HPS3: variants seen among roughly 807,000 people sequenced by gnomAD.
The protein encoded by HPS3 is HPS3 biogenesis of lysosomal organelles complex 2 subunit 1.
In HPS3, 79 loss-of-function variants were observed where a neutral mutation model predicts 110.9. The observed-to-expected ratio is 0.71, with a 90% CI of 0.59 to 0.86. The LOEUF (loss-of-function observed/expected upper bound fraction) is 0.86. Ranked by LOEUF, HPS3 falls within the 40% of genes least tolerant of loss-of-function variation. HPS3 has a pLI of 0.00. For missense variants in HPS3, 1,197 were observed against 1,206.2 expected (o/e 0.99, Z 0.11); for synonymous variants, 428 against 451.0 (o/e 0.95, Z 0.65).
At chr3:149,163,743 G>C in intron 13 of HPS3, 99 bp from the exon 14 acceptor site, 1 of 717,030 alleles carries the variant, frequency 1.4e-6, no homozygotes, top group East Asian at 2.6e-5. Context: ...CTAATTCTAT[G>C]ACATGGCAGA....
chr3:149,151,835 T>A (rs1559916147), intron 6 of HPS3, among the ~76,000 whole-genome samples: 2 of 152,174 alleles, frequency 1.3e-5, no homozygotes, highest in Non-Finnish European at 2.9e-5. Flanking sequence ...AAAAATTGGT[T>A]TATATCTGTC....
At chr3:149,158,182 A>T (rs1479484808) in intron 9 of HPS3, among the ~76,000 whole-genome samples, 1 of 152,132 alleles carries the variant, frequency 6.6e-6, no homozygotes, top group African/African-American at 2.4e-5. Context: ...ATGTTTACAA[A>T]TTTTTTTGCA....
At chr3:149,157,217 C>A in intron 8 of HPS3, 133 bp from the exon 9 acceptor site, 1 of 813,148 alleles carries the variant, frequency 1.2e-6, no homozygotes, top group Non-Finnish European at 2.0e-6. Flanking sequence ...GGTGAATAAC[C>A]ATTTTGTTTA....
intron 1 of HPS3, among the ~76,000 whole-genome samples, chr3:149,131,156 A>G (rs1313235407): frequency 6.6e-6 from 1 of 152,044 alleles, no homozygotes. Flanking sequence ...AGTTGAATAA[A>G]TAGATCAGTG....
Position 149,158,711 on chromosome 3 carries a change from G to T in HPS3, c.1737G>T (p.Met579Ile). Residue 579 changes from methionine to isoleucine, a missense_variant, in exon 10 of 17, where the codon ATG becomes ATT. Physicochemically the swap from Met to Ile is conservative, Grantham distance 10. Coordinates refer to ENST00000296051, the MANE Select transcript of HPS3 (RefSeq NM_032383.5). ...HSHLTLPYYK[M>I]SGLSMAEVLA... ...ATCTCACCTTGCCATACTATAAGAT[G>T]TCTGGTTTGTCTATGGCTGAAGTTC... is the stretch of plus-strand genomic sequence containing the variant. 6.2e-7 allele frequency: 1 copy of T among 1,613,778 alleles called. No individual in the cohort carries two copies. Among genetic ancestry groups the T allele is most frequent in the African/African-American group, 1.3e-5 (1 of 74,992 alleles).
chr3:149,171,327 A>T (rs2108196499), intron 16 of HPS3, among the ~76,000 whole-genome samples: 1 of 152,222 alleles, frequency 6.6e-6, no homozygotes, highest in East Asian at 1.9e-4. Flanking sequence ...TTTGGGGGAA[A>T]AGGAAGTAAA....
At chr3:149,132,219 A>G (rs1323749470) in intron 1 of HPS3, among the ~76,000 whole-genome samples, 1 of 152,226 alleles carries the variant, frequency 6.6e-6, no homozygotes, top group Non-Finnish European at 1.5e-5. Context: ...AGTGTAGACA[A>G]AACAGTCTTA....
chr3:149,167,537 G>A (rs767228901), intron 15 of HPS3, among the ~76,000 whole-genome samples: 42 of 152,112 alleles, frequency 2.8e-4, no homozygotes, highest in African/African-American at 3.1e-4. Flanking sequence ...TCTGCCATAC[G>A]GTTTTTAGTT....
Position 149,155,209 on chromosome 3 carries a change from A to G in HPS3, c.1503A>G (p.Lys501=). The change falls in exon 8 of 17, where the codon AAA becomes AAG. Residue 501 remains lysine (K), a synonymous_variant. Transcript: ENST00000296051. ...CGATCTCACCAGTGCAGCTGTACAA[A>G]GAGATGGTACTCTTTTCAAACTTCT... ...VNTISPVQLY[K]EMVDYSNTYK... is the part of the protein sequence containing the mutation. 6.8e-7 allele frequency: 1 copy of G among 1,476,988 alleles called. No individual in the cohort carries two copies. Among genetic ancestry groups the G allele is most frequent in the Non-Finnish European group, 9.5e-7 (1 of 1,055,522 alleles). 91.5% of individuals were successfully genotyped at this position (1,476,988 alleles called of 1,614,324 possible). A position where few individuals can be genotyped will look rare whatever the true frequency, so the allele number is the denominator to read the frequency against.
At chr3:149,141,470 T>G in intron 4 of HPS3, 90 bp downstream of exon 4, 1 of 1,038,432 alleles carries the variant, frequency 9.6e-7, no homozygotes, top group Non-Finnish European at 1.5e-6. Context: ...GGTAATAGGT[T>G]TGGTGGTTTG....
chr3:149,158,947 C>G, intron 10 of HPS3, 101 bp downstream of exon 10: 1 of 807,354 alleles, frequency 1.2e-6, no homozygotes, highest in Non-Finnish European at 2.0e-6. Flanking sequence ...AAATATTTTT[C>G]TTCTTTGATA....
chr3:149,155,321 G>A (rs1276575366), intron 8 of HPS3, 106 bp downstream of exon 8: 3 of 745,038 alleles, frequency 4.0e-6, no homozygotes, highest in East Asian at 5.3e-5. Context: ...CAGCCATTCA[G>A]CTTCCTGGCT....
At chr3:149,139,902 T>G (rs1391263253) in intron 1 of HPS3, 102 bp from the exon 2 acceptor site, 5 of 1,110,328 alleles carry the variant, frequency 4.5e-6, no homozygotes, top group Non-Finnish European at 6.7e-6. Flanking sequence ...AGTCTTTAAT[T>G]CGACCATTTG....
chr3:149,129,880 C>G lies in HPS3; in HGVS notation c.157C>G (p.Gln53Glu). ...CGCGGTGGCCGGCCAGGAGCTGTGC[C>G]AGCCGCGGTGCGCCTTCTCCACGCT... ...AFAVAGQELCQPRCAFSTLGR... is the reference protein window; with the variant it reads ...AFAVAGQELCEPRCAFSTLGR... The change falls in exon 1 of 17, where the codon CAG becomes GAG. Residue 53 changes from glutamine to glutamate, a missense_variant. By Grantham distance (29) the Gln-to-Glu change is conservative. Transcript: ENST00000296051. 4 of 1,592,550 alleles carry G rather than the reference C, an allele frequency of 2.5e-6. No individual in the cohort carries two copies. The highest frequency in any genetic ancestry group is 2.7e-5 in the African/African-American group (2 of 74,692).
At chr3:149,132,555 T>G (rs190717563) in intron 1 of HPS3, among the ~76,000 whole-genome samples, 159 of 152,354 alleles carry the variant, frequency 1.0e-3, no homozygotes, top group African/African-American at 3.7e-3. Flanking sequence ...ACAATGCACC[T>G]AGTCCCTCAA....
chr3:149,153,933 A>G (rs1439976123), intron 7 of HPS3: 1 of 426,838 alleles, frequency 2.3e-6, no homozygotes, highest in Non-Finnish European at 4.2e-6. Flanking sequence ...AATTAATGAG[A>G]AAGACTGAGC....
At chr3:149,161,775 G>C (rs1240802048) in intron 11 of HPS3, among the ~76,000 whole-genome samples, 1 of 152,130 alleles carries the variant, frequency 6.6e-6, no homozygotes, top group African/African-American at 2.4e-5. Context: ...CTTCCAAAGT[G>C]CTGGGATTAC....
intron 2 of HPS3, 72 bp from the exon 3 acceptor site, chr3:149,140,945 T>G: frequency 1.5e-6 from 2 of 1,333,564 alleles, no homozygotes; most frequent in Non-Finnish European, 2.2e-6. Flanking sequence ...TTACTATATG[T>G]CTAATTGGTG....
rs369102790 is a variant in HPS3 at position 149,150,678 on chromosome 3, A to G, written c.1243A>G (p.Lys415Glu). 6.9e-5 allele frequency: 111 copies of G among 1,612,294 alleles called. No homozygotes were observed. Among genetic ancestry groups the G allele is most frequent in the Admixed American group, 2.3e-4 (14 of 60,032 alleles). Residue 415 changes from lysine to glutamate, a missense_variant and splice_region_variant, in exon 6 of 17, where the codon AAG (lysine) becomes GAG (glutamate). Lys to Glu is a moderately conservative substitution (Grantham distance 56). Transcript: ENST00000296051. ...EEDPYMDTTLKACPPVSMDVC... is the reference protein window; with the variant it reads ...EEDPYMDTTLEACPPVSMDVC... ...GGACCCGTACATGGACACCACCCTG[A>G]AGGTAAGAACTGGCTTATGAAGATA...
Sources: allele counts gnomAD v4.1 joint callset (sites outside exome capture counted in the v4.1 genomes callset), GRCh38; gene constraint gnomAD v4.1.1; transcripts MANE v1.5; gene names NCBI Gene and HGNC (gene_info 2026-07-23, HGNC 2026-07-21).